Variants in CRADD observed in about 807,000 individuals in gnomAD.
The protein encoded by CRADD is CARD and death domain containing adaptor protein.
Under a neutral mutation model 15.5 loss-of-function variants are expected in CRADD, and 9 were observed. That is an observed-to-expected ratio of 0.58 (90% confidence interval 0.35 to 1.01). The LOEUF (loss-of-function observed/expected upper bound fraction) is 1.01. Among genes scored for constraint, CRADD ranks in the 50% least tolerant of loss-of-function variants. CRADD has a pLI of 0.02. For synonymous variants in CRADD, 118 were observed against 107.6 expected (o/e 1.10, Z -0.60); for missense variants, 227 against 250.3 (o/e 0.91, Z 0.63).
chr12:93,725,526 G>A (rs1956346266), intron 2 of CRADD, among the ~76,000 whole-genome samples: 1 of 152,136 alleles, frequency 6.6e-6, no homozygotes, highest in Admixed American at 6.5e-5. Context: ...CAATTCCTTT[G>A]TGAACTACTT....
intron 2 of CRADD, among the ~76,000 whole-genome samples, chr12:93,759,375 T>G (rs1309973852): frequency 6.6e-6 from 1 of 152,192 alleles, no homozygotes; most frequent in Non-Finnish European, 1.5e-5. Flanking sequence ...CCCAGCTTTC[T>G]TGAAAGTTTA....
At chr12:93,746,797 T>A (rs994084075) in intron 2 of CRADD, among the ~76,000 whole-genome samples, 3 of 151,822 alleles carry the variant, frequency 2.0e-5, no homozygotes, top group South Asian at 2.1e-4. Context: ...TTTTTTTTTT[T>A]GAAGAAGGAA....
chr12:93,717,102 T>C (rs1190543181), intron 2 of CRADD, among the ~76,000 whole-genome samples: 8 of 152,228 alleles, frequency 5.3e-5, no homozygotes, highest in Non-Finnish European at 1.0e-4. Flanking sequence ...CATTGTGTTT[T>C]AATTTGTGTT....
intron 2 of CRADD, among the ~76,000 whole-genome samples, chr12:93,741,216 G>A (rs1299339174): frequency 2.0e-5 from 3 of 152,120 alleles, no homozygotes; most frequent in Non-Finnish European, 4.4e-5. Context: ...TGACTGCATT[G>A]CTTTAAGATG....
chr12:93,879,020 A>AT (rs1406343387), intron 2 of CRADD, among the ~76,000 whole-genome samples: 1 of 151,582 alleles, frequency 6.6e-6, no homozygotes, highest in East Asian at 1.9e-4. Flanking sequence ...TATTAAGCAG[A>AT]TTTTTTTCTT....
downstream of CRADD, among the ~76,000 whole-genome samples, chr12:93,853,150 T>C (rs1250797253): frequency 2.0e-5 from 3 of 151,294 alleles, no homozygotes; most frequent in African/African-American, 4.9e-5. Flanking sequence ...AATACACTTA[T>C]TTTTTTTTGT....
At chr12:93,738,878 A>G (rs1257768448) in intron 2 of CRADD, among the ~76,000 whole-genome samples, 1 of 152,160 alleles carries the variant, frequency 6.6e-6, no homozygotes, top group Non-Finnish European at 1.5e-5. Context: ...AGGAAGGAAG[A>G]AAGTGAAAGA....
Position 93,720,664 on chromosome 12 carries a change from G to A in CRADD, c.298+41592G>A, listed in dbSNP as rs191829215. Among the ~76,000 whole-genome samples the A allele has an allele frequency of 3.5e-3, 535 of 152,154 alleles. 4 individuals are homozygous for A. The highest frequency in any genetic ancestry group is 0.012 in the African/African-American group (498 of 41,506). On this transcript the variant is annotated intron_variant, in intron 2 of 2. Transcript: ENST00000332896. ...ATTGACCCCTTTATCATTTTGTAAC[G>A]CCTCTCTCTATCTCTGATAACCTTT...
At chr12:93,740,824 G>T (rs186280487) in intron 2 of CRADD, among the ~76,000 whole-genome samples, 1 of 152,246 alleles carries the variant, frequency 6.6e-6, no homozygotes, top group Admixed American at 6.5e-5. Flanking sequence ...ATAAAAAGAA[G>T]TATGTATATT....
chr12:93,708,743 TTGAATGTATGAATGAGTAAA>T (rs1956003484), intron 2 of CRADD: 1 of 152,194 alleles, frequency 6.6e-6, no homozygotes, highest in Non-Finnish European at 1.5e-5. Flanking sequence ...CAAAATATGG[TTGAATGTATGAATGAGTAAA>T]TGAATGCAGA....
downstream of CRADD, among the ~76,000 whole-genome samples, chr12:93,852,836 AGTGTGT>A (rs58175344): frequency 0.33 from 48,661 of 149,486 alleles, 8,285 homozygotes; most frequent in Middle Eastern, 0.43. Flanking sequence ...GTTGGGTTGG[AGTGTGT>A]GTGTGTGTGT....
chr12:93,882,792 C>T (rs184446957), intron 2 of CRADD, among the ~76,000 whole-genome samples: 74 of 152,356 alleles, frequency 4.9e-4, no homozygotes, highest in Admixed American at 3.5e-3. Flanking sequence ...AAGCAGGTTT[C>T]CTGGAGCCTT....
chr12:93,700,460 T>C (rs1955817430), intron 2 of CRADD, among the ~76,000 whole-genome samples: 1 of 152,124 alleles, frequency 6.6e-6, no homozygotes. Flanking sequence ...AGATGGAGTC[T>C]GGCTCTGTCA....
intron 2 of CRADD, among the ~76,000 whole-genome samples, chr12:93,863,595 T>TG: frequency 2.3e-5 from 3 of 129,900 alleles, no homozygotes; most frequent in East Asian, 2.8e-4. Flanking sequence ...TGTGGAGGCA[T>TG]TTGTGTGTGT....
chr12:93,806,011 C>T (rs182054444), intron 2 of CRADD, among the ~76,000 whole-genome samples: 29 of 152,222 alleles, frequency 1.9e-4, no homozygotes, highest in East Asian at 3.9e-4. Flanking sequence ...AGTCTTTAGA[C>T]GTTGGCAGTG....
At chr12:93,823,153 G>A (rs746057982) in intron 2 of CRADD, among the ~76,000 whole-genome samples, 9 of 152,212 alleles carry the variant, frequency 5.9e-5, no homozygotes, top group East Asian at 1.9e-4. Context: ...TTAGCCTGGC[G>A]TGGTGGCAGG....
chr12:93,828,264 T>C (rs892476321), intron 2 of CRADD, among the ~76,000 whole-genome samples: 2 of 152,240 alleles, frequency 1.3e-5, no homozygotes, highest in African/African-American at 4.8e-5. Context: ...GTTTGTCTTT[T>C]AATTTTCTAA....
intron 2 of CRADD, among the ~76,000 whole-genome samples, chr12:93,739,279 C>T (rs1956632955): frequency 6.6e-6 from 1 of 151,998 alleles, no homozygotes; most frequent in Non-Finnish European, 1.5e-5. Context: ...TAAAAATCTG[C>T]ACCCTGCTTA....
intron 2 of CRADD, among the ~76,000 whole-genome samples, chr12:93,707,406 C>T (rs1955972673): frequency 6.6e-6 from 1 of 152,184 alleles, no homozygotes; most frequent in Admixed American, 6.5e-5. Context: ...GCTGAGGAAT[C>T]TGGGGATAGG....
Sources: gnomAD v4.1 joint callset for allele counts (sites outside exome capture counted in the v4.1 genomes callset) on GRCh38, gnomAD v4.1.1 for gene constraint, MANE v1.5 for transcripts, NCBI Gene and HGNC (gene_info 2026-07-23, HGNC 2026-07-21) for gene names.